The following TENM2 variants were observed in gnomAD, a reference collection of about 807,000 sequenced individuals.
The protein encoded by TENM2 is teneurin transmembrane protein 2.
TENM2 carries 52 observed loss-of-function variants against 245.2 expected under a neutral mutation model. The observed-to-expected ratio is 0.21, with a 90% CI of 0.17 to 0.27. The LOEUF (loss-of-function observed/expected upper bound fraction) is 0.27, where lower values mean the gene tolerates loss of function less well. Ranked by LOEUF, TENM2 falls within the 10% of genes least tolerant of loss-of-function variation. TENM2 has a pLI of 1.00. For synonymous variants in TENM2, 1,363 were observed against 1,438.9 expected, an observed-to-expected ratio of 0.95 and a Z score of 1.19; for missense variants, 3,046 against 3,666.8, an observed-to-expected ratio of 0.83 and a Z score of 4.37.
At chr5:167,428,831 CTCTT>C (rs1006313040) in intron 2 of TENM2, among the ~76,000 whole-genome samples, 2 of 152,154 alleles carry the variant, frequency 1.3e-5, no homozygotes, top group Non-Finnish European at 2.9e-5. Context: ...TGTATTTCTT[CTCTT>C]TCTTAACAGT....
At chr5:167,388,289 A>C (rs1458533854) in intron 2 of TENM2, among the ~76,000 whole-genome samples, 1 of 152,032 alleles carries the variant, frequency 6.6e-6, no homozygotes, top group Non-Finnish European at 1.5e-5. Context: ...TAGTTTTTCT[A>C]GTTTATGCAT....
intron 2 of TENM2, among the ~76,000 whole-genome samples, chr5:167,847,723 C>A (rs1368210857): frequency 2.6e-5 from 4 of 152,224 alleles, no homozygotes; most frequent in Admixed American, 2.6e-4. Flanking sequence ...CTGACTAAAT[C>A]TCAGAGCAAA....
At chr5:167,958,566 C>T (rs1488731684) in intron 4 of TENM2, among the ~76,000 whole-genome samples, 1 of 152,156 alleles carries the variant, frequency 6.6e-6, no homozygotes, top group Non-Finnish European at 1.5e-5. Flanking sequence ...GTAGTTTCTT[C>T]ATGGTGTTGA....
intron 13 of TENM2, among the ~76,000 whole-genome samples, chr5:168,183,230 A>G (rs1760086277): frequency 6.6e-6 from 1 of 152,156 alleles, no homozygotes; most frequent in East Asian, 1.9e-4. Context: ...TCTATGGGAT[A>G]TCCTAAGGCC....
At chr5:167,932,749 GTC>G (rs1778381573) in intron 3 of TENM2, among the ~76,000 whole-genome samples, 1 of 152,012 alleles carries the variant, frequency 6.6e-6, no homozygotes, top group Non-Finnish European at 1.5e-5. Flanking sequence ...GCTGCACGCA[GTC>G]TCTATCACAT....
At chr5:168,108,613 A>G (rs1445208221) in intron 9 of TENM2, among the ~76,000 whole-genome samples, 1 of 152,180 alleles carries the variant, frequency 6.6e-6, no homozygotes, top group Non-Finnish European at 1.5e-5. Flanking sequence ...GACTTAGAGA[A>G]AGTAAGCTAC....
At chr5:167,259,412 ATATATTGAACAG>A in the TENM2 span, among the ~76,000 whole-genome samples, 1 of 152,208 alleles carries the variant, frequency 6.6e-6, no homozygotes, top group Non-Finnish European at 1.5e-5. Flanking sequence ...CCTAGTTTGC[ATATATTGAACAG>A]TAACTAAAAT....
At chr5:167,953,372 A>C (rs1780271174) in intron 4 of TENM2, 2 of 154,246 alleles carry the variant, frequency 1.3e-5, no homozygotes, top group African/African-American at 4.8e-5. Context: ...AACAAACAAG[A>C]AAAAAGGGGC....
intron 2 of TENM2, among the ~76,000 whole-genome samples, chr5:167,609,389 C>T (rs1331705171): frequency 6.7e-6 from 1 of 148,962 alleles, no homozygotes; most frequent in Non-Finnish European, 1.5e-5. Context: ...CGCATGGCTG[C>T]TTCATAACTC....
chr5:168,114,537 T>C (rs143076456), intron 9 of TENM2, among the ~76,000 whole-genome samples: 1 of 152,312 alleles, frequency 6.6e-6, no homozygotes, highest in East Asian at 1.9e-4. Flanking sequence ...GGTTGAGTTA[T>C]GTCTGAGAAT....
chr5:167,874,987 C>G (rs893025549), intron 2 of TENM2, among the ~76,000 whole-genome samples: 3 of 152,248 alleles, frequency 2.0e-5, no homozygotes, highest in African/African-American at 7.2e-5. Flanking sequence ...CTTTCCATCA[C>G]TCTTCCACTT....
intron 14 of TENM2, among the ~76,000 whole-genome samples, chr5:168,192,571 T>C (rs1246224236): frequency 6.6e-6 from 1 of 152,230 alleles, no homozygotes; most frequent in African/African-American, 2.4e-5. Flanking sequence ...GATTAATCTT[T>C]CTATTTTATT....
chr5:167,447,301 C>A (rs896950421), intron 2 of TENM2, among the ~76,000 whole-genome samples: 1 of 152,228 alleles, frequency 6.6e-6, no homozygotes, highest in Non-Finnish European at 1.5e-5. Context: ...GGCCCTAGCC[C>A]TGGCACTTAA....
the TENM2 span, among the ~76,000 whole-genome samples, chr5:167,099,935 T>C: frequency 6.6e-6 from 1 of 152,214 alleles, no homozygotes; most frequent in Admixed American, 6.5e-5. Flanking sequence ...GGGTGGGCAC[T>C]GCAGTACTTT....
intron 5 of TENM2, among the ~76,000 whole-genome samples, chr5:167,994,185 C>G (rs928095544): frequency 6.6e-6 from 1 of 152,260 alleles, no homozygotes; most frequent in Non-Finnish European, 1.5e-5. Flanking sequence ...TATGAGAGAC[C>G]TGCCCAGTTT....
chr5:168,196,179 G>A (rs769326415), intron 15 of TENM2, among the ~76,000 whole-genome samples: 3 of 152,172 alleles, frequency 2.0e-5, no homozygotes, highest in East Asian at 1.9e-4. Flanking sequence ...TTTCTCTGGC[G>A]AAGAGTCTGG....
chr5:167,724,642 G>A (rs1399803778), intron 2 of TENM2, among the ~76,000 whole-genome samples: 1 of 152,108 alleles, frequency 6.6e-6, no homozygotes, highest in Non-Finnish European at 1.5e-5. Context: ...AAAGGGAAGA[G>A]ATAGGAACAC....
chr5:168,127,886 C>T (rs1478888790), intron 12 of TENM2, among the ~76,000 whole-genome samples: 1 of 152,114 alleles, frequency 6.6e-6, no homozygotes, highest in African/African-American at 2.4e-5. Context: ...CAGTTTGGCC[C>T]CTTGAAGTTA....
intron 2 of TENM2, among the ~76,000 whole-genome samples, chr5:167,807,122 G>GT (rs1766240538): frequency 1.9e-5 from 1 of 52,868 alleles, no homozygotes; most frequent in Non-Finnish European, 2.9e-5. Flanking sequence ...AAGCCCCTAG[G>GT]TTAAAAAAAA....
Sources: allele counts gnomAD v4.1 joint callset (sites outside exome capture counted in the v4.1 genomes callset), GRCh38; gene constraint gnomAD v4.1.1; transcripts MANE v1.5; gene names NCBI Gene and HGNC (gene_info 2026-07-23, HGNC 2026-07-21).